Variants in SAMD4A observed in about 807,000 individuals in gnomAD.
SAMD4A encodes protein Smaug homolog 1.
SAMD4A carries 33 observed loss-of-function variants against 81.3 expected under a neutral mutation model. The observed-to-expected ratio is 0.41, with a 90% CI of 0.31 to 0.54. The LOEUF is 0.54. Ranked by LOEUF, SAMD4A falls within the 20% of genes least tolerant of loss-of-function variation. The probability of loss-of-function intolerance (pLI) is 0.37; values close to 1 mark genes in which losing one functional copy is unlikely to be tolerated. For missense variants in SAMD4A, 854 were observed against 951.1 expected (o/e 0.90, Z 1.34); for synonymous variants, 389 against 382.1 (o/e 1.02, Z -0.21).
At chr14:54,671,904 G>A (rs71412649) in intron 2 of SAMD4A, among the ~76,000 whole-genome samples, 1 of 152,010 alleles carries the variant, frequency 6.6e-6, no homozygotes, top group Non-Finnish European at 1.5e-5. Flanking sequence ...TGGTGCTGCA[G>A]AGGCATTGGG....
chr14:54,788,758 C>G (rs2039203883), intron 12 of SAMD4A, among the ~76,000 whole-genome samples, 158 bp from the exon 13 acceptor site: 1 of 152,200 alleles, frequency 6.6e-6, no homozygotes, highest in Admixed American at 6.5e-5. Flanking sequence ...CCCCAGATAT[C>G]ATGTGGGTGG....
intron 3 of SAMD4A, among the ~76,000 whole-genome samples, chr14:54,713,548 G>C (rs1335388572): frequency 6.6e-6 from 1 of 152,162 alleles, no homozygotes; most frequent in African/African-American, 2.4e-5. Flanking sequence ...TAAAACTTTG[G>C]ACCATTTCCA....
intron 2 of SAMD4A, chr14:54,685,771 T>A (rs2036252375): frequency 2.2e-6 from 1 of 456,660 alleles, no homozygotes; most frequent in Non-Finnish European, 4.4e-6. Flanking sequence ...ATCTCTGAGG[T>A]CCCTTCCATC....
chr14:54,731,088 G>A (rs1192311718), intron 3 of SAMD4A, among the ~76,000 whole-genome samples: 1 of 152,198 alleles, frequency 6.6e-6, no homozygotes, highest in Non-Finnish European at 1.5e-5. Context: ...AAAAATTTGT[G>A]GGATAGAAAC....
At chr14:54,703,622 C>T (rs2036775992) in intron 3 of SAMD4A, 1 of 152,196 alleles carries the variant, frequency 6.6e-6, no homozygotes, top group Admixed American at 6.5e-5. Flanking sequence ...GATCCCACCA[C>T]TTTGGGAGGC....
At chr14:54,703,902 C>G (rs1205449838) in intron 3 of SAMD4A, 1 of 152,064 alleles carries the variant, frequency 6.6e-6, no homozygotes, top group Admixed American at 6.6e-5. Flanking sequence ...GCAGTGATGC[C>G]TTCTTGGCAT....
chr14:54,746,655 A>G (rs78052500), intron 4 of SAMD4A, among the ~76,000 whole-genome samples: 2,398 of 152,298 alleles, frequency 0.016, 64 homozygotes, highest in African/African-American at 0.055. Flanking sequence ...ACACGATTCA[A>G]TAGCTCAGGA....
At chr14:54,604,895 C>G (rs968654352) in intron 2 of SAMD4A, among the ~76,000 whole-genome samples, 3 of 152,154 alleles carry the variant, frequency 2.0e-5, no homozygotes, top group African/African-American at 7.2e-5. Flanking sequence ...TGTTAATGTG[C>G]ATTTCTAGAC....
At chr14:54,758,565 C>T (rs896830388) in intron 6 of SAMD4A, among the ~76,000 whole-genome samples, 4 of 152,358 alleles carry the variant, frequency 2.6e-5, no homozygotes, top group Middle Eastern at 3.4e-3. Context: ...TGTGGTGGCT[C>T]ACGCCTGTAA....
chr14:54,699,246 TG>T (rs1351274861), intron 2 of SAMD4A, among the ~76,000 whole-genome samples: 1 of 152,238 alleles, frequency 6.6e-6, no homozygotes, highest in Non-Finnish European at 1.5e-5. Flanking sequence ...GAAGATGAAT[TG>T]AGGAGAAAGT....
In SAMD4A at chr14:54,702,399, C is replaced by T. The variant is rs2036742317; in HGVS notation, c.534C>T (p.His178=). The T allele has an allele frequency of 3.1e-6, 5 of 1,614,168 alleles. No homozygotes were observed. The highest frequency in any genetic ancestry group is 4.2e-6 in the Non-Finnish European group (5 of 1,180,018). The change falls in exon 3 of 13, where the codon CAC becomes CAT. Residue 178 remains histidine, a synonymous_variant. Transcript: ENST00000554335. ...SVDYGQTHYY[H]QRQNSDDKLN... is the part of the protein sequence containing the mutation. ...ATTATGGACAGACACACTACTATCA[C>T]CAAAGACAGAACTCTGATGACAAGC...
intron 2 of SAMD4A, among the ~76,000 whole-genome samples, chr14:54,692,153 G>C (rs893699836): frequency 6.6e-6 from 1 of 152,076 alleles, no homozygotes; most frequent in East Asian, 1.9e-4. Flanking sequence ...CAACTTCCTC[G>C]TTATTTTAGA....
chr14:54,574,745 A>G (rs1007054269), intron 2 of SAMD4A, among the ~76,000 whole-genome samples: 3 of 152,224 alleles, frequency 2.0e-5, no homozygotes, highest in Admixed American at 2.0e-4. Flanking sequence ...CTTTGACTCT[A>G]ACTAGCGTTG....
upstream of SAMD4A, among the ~76,000 whole-genome samples, chr14:54,566,517 C>T (rs2032939371): frequency 6.6e-6 from 1 of 151,806 alleles, no homozygotes; most frequent in Admixed American, 6.6e-5. Flanking sequence ...TGGGGGAACC[C>T]CCGCAGCCGA....
At chr14:54,766,883 G>A (rs1366093572) in intron 8 of SAMD4A, among the ~76,000 whole-genome samples, 2 of 152,114 alleles carry the variant, frequency 1.3e-5, no homozygotes, top group Non-Finnish European at 1.5e-5. Flanking sequence ...ACTCTGGCCT[G>A]ACGCTTCCTG....
At chr14:54,665,093 G>GA (rs1268688252) in intron 2 of SAMD4A, among the ~76,000 whole-genome samples, 1 of 151,992 alleles carries the variant, frequency 6.6e-6, no homozygotes, top group African/African-American at 2.4e-5. Context: ...ACAACTGCAG[G>GA]AAAAAATGTG....
rs8014591 is a variant in SAMD4A, at chr14:54,758,966, A to G, written c.1177-1195A>G. Among the ~76,000 whole-genome samples the G allele has an allele frequency of 8.1e-3, 1,228 of 152,332 alleles. 20 individuals carry two copies. Among genetic ancestry groups the G allele is most frequent in the African/African-American group, 0.027 (1,121 of 41,580 alleles). ...TTGCAGAGGGCCCACCCCAGCCGCC[A>G]TGCCAGGCAGGGCCCCAGGCTCCCA... On this transcript the variant is annotated intron_variant, in intron 6 of 12. Transcript: ENST00000554335.
chr14:54,570,194 C>A (rs975364938), intron 2 of SAMD4A, among the ~76,000 whole-genome samples: 1 of 152,142 alleles, frequency 6.6e-6, no homozygotes, highest in African/African-American at 2.4e-5. Context: ...GTGGCCAGGA[C>A]AGAAATTTCT....
chr14:54,687,424 T>C (rs1382307598), intron 2 of SAMD4A: 4 of 433,590 alleles, frequency 9.2e-6, no homozygotes. Context: ...CAGCCCTGAT[T>C]AGTTAGCTGT....
Sources: gnomAD v4.1 joint callset for allele counts (sites outside exome capture counted in the v4.1 genomes callset) on GRCh38, gnomAD v4.1.1 for gene constraint, MANE v1.5 for transcripts, NCBI Gene and HGNC (gene_info 2026-07-23, HGNC 2026-07-21) for gene names.